The following PTPRN2 variants were observed in gnomAD, a reference collection of about 807,000 sequenced individuals.
PTPRN2 encodes protein tyrosine phosphatase receptor type N2.
A neutral mutation model predicts 118.8 loss-of-function variants in PTPRN2; 74 were observed. The ratio of observed to expected loss-of-function variants is 0.62; its 90% CI spans 0.52 to 0.76. The LOEUF is 0.76. PTPRN2 is among the 30% of genes least tolerant of loss of function. The pLI is 0.00. For missense variants in PTPRN2, 1,481 were observed against 1,394.4 expected, an observed-to-expected ratio of 1.06 and a Z score of -0.99; for synonymous variants, 641 against 608.0, an observed-to-expected ratio of 1.05 and a Z score of -0.80.
chr7:158,400,230 T>G (rs1812830756), intron 2 of PTPRN2, among the ~76,000 whole-genome samples: 1 of 152,130 alleles, frequency 6.6e-6, no homozygotes, highest in Non-Finnish European at 1.5e-5. Flanking sequence ...GATGGATATT[T>G]TTTGAAGACC....
At position 158,587,595 on chromosome 7, in the gene PTPRN2, C is replaced by A. The variant is rs1365260427; in HGVS notation, c.75G>T (p.Ser25=). The A allele has an allele frequency of 6.0e-6, 8 of 1,344,478 alleles. No homozygotes were observed. In the African/African-American group the frequency reaches 7.7e-5, roughly 13 times the overall value. The allele number at this position is 1,344,478 out of a possible 1,614,324, so 83.3% of individuals were successfully genotyped here. The change falls in exon 1 of 23, where the codon TCG becomes TCT. Residue 25 remains serine, a synonymous_variant. Transcript: ENST00000389418. ...GGAGCTGCCGGCCGCGGGGGACGGA[C>A]GAAGGGGCGGCAGGCAGGACGCGTG... ...LPPRVLPAAP[S]SVPRGRQLPG...
chr7:157,562,219 G>T (rs982445559), intron 21 of PTPRN2, among the ~76,000 whole-genome samples: 3 of 152,212 alleles, frequency 2.0e-5, no homozygotes, highest in African/African-American at 7.2e-5. Flanking sequence ...GGCACCCAAG[G>T]TCTTTCTGTC....
chr7:158,315,778 T>C (rs1802270219), intron 3 of PTPRN2, among the ~76,000 whole-genome samples: 1 of 152,228 alleles, frequency 6.6e-6, no homozygotes, highest in African/African-American at 2.4e-5. Context: ...GATAGACGTC[T>C]ATGAAGTGGT....
At chr7:158,541,277 G>T (rs977025202) in intron 1 of PTPRN2, 9 of 386,780 alleles carry the variant, frequency 2.3e-5, no homozygotes, top group Non-Finnish European at 4.0e-5. Flanking sequence ...TCATCAGCAC[G>T]TGCTTGGAAC....
rs189598748 is a variant in PTPRN2, at chr7:158,555,317, C to T, written c.112+32241G>A. 2.2e-3 allele frequency among the ~76,000 whole-genome samples: 332 copies of T among 152,328 alleles called. 4 individuals carry two copies. The highest frequency in any genetic ancestry group is 2.9e-3 in the Non-Finnish European group (198 of 68,036). Reference sequence around the variant, plus strand: ...GCCTTAGGGCGCCAGTCAGGTCCTTCCAGGAGAAGGCGGCACCAAGCCCAG... The same window carrying T: ...GCCTTAGGGCGCCAGTCAGGTCCTTTCAGGAGAAGGCGGCACCAAGCCCAG... On this transcript the variant is annotated intron_variant, in intron 1 of 22. Transcript: ENST00000389418. This position sits in a 1 kb window ranked among gnomAD's most constrained non-coding sequence, Gnocchi z 4.7.
chr7:158,137,154 C>T (rs546451522), intron 7 of PTPRN2, among the ~76,000 whole-genome samples: 2 of 152,302 alleles, frequency 1.3e-5, no homozygotes, highest in East Asian at 3.9e-4. Context: ...CGCGGTGGCT[C>T]ACGCCTGTAA....
intron 2 of PTPRN2, among the ~76,000 whole-genome samples, chr7:158,331,530 C>G (rs55655332): frequency 5.4e-5 from 5 of 92,776 alleles, no homozygotes; most frequent in Admixed American, 1.1e-4. Flanking sequence ...CTCACACCCA[C>G]ACTGTCACCA....
At chr7:158,006,244 C>CT (rs1563321688) in intron 11 of PTPRN2, among the ~76,000 whole-genome samples, 1 of 152,316 alleles carries the variant, frequency 6.6e-6, no homozygotes, top group East Asian at 1.9e-4. Flanking sequence ...ATCCCTTTTC[C>CT]TTTTTAGAGA....
chr7:157,893,722 G>T lies in PTPRN2; in HGVS notation c.1788+4951C>A, dbSNP rs1039126370. 6.6e-6 allele frequency among the ~76,000 whole-genome samples: 1 copy of T among 151,468 alleles called. No homozygotes were observed. Among genetic ancestry groups the T allele is most frequent in the Admixed American group, 6.6e-5 (1 of 15,258 alleles). On this transcript the variant is annotated intron_variant, in intron 12 of 22. Transcript: ENST00000389418. The surrounding 1 kb of genome is among the most constrained non-coding windows in gnomAD (Gnocchi z 4.0). ...CATACACACCTGTTGCTCGGTGAAT[G>T]GGTCAGGGCTGGAGACGTAGGCTTG...
intron 12 of PTPRN2, among the ~76,000 whole-genome samples, chr7:157,777,273 G>T (rs181918497): frequency 6.6e-6 from 1 of 152,288 alleles, no homozygotes; most frequent in African/African-American, 2.4e-5. Context: ...TTGGAAACAC[G>T]CCCATGTCGG....
chr7:157,613,574 G>A (rs1459233199), intron 15 of PTPRN2, among the ~76,000 whole-genome samples: 1 of 152,244 alleles, frequency 6.6e-6, no homozygotes, highest in Non-Finnish European at 1.5e-5. Context: ...CTGAGCCGCA[G>A]GGCGAGCCCG....
chr7:157,558,443 T>C (rs59406412), intron 21 of PTPRN2, among the ~76,000 whole-genome samples: 2,196 of 152,300 alleles, frequency 0.014, 53 homozygotes, highest in African/African-American at 0.05. Flanking sequence ...TCAACACCTA[T>C]GTCAGAATCA....
chr7:158,419,325 G>A (rs561536927), intron 2 of PTPRN2, among the ~76,000 whole-genome samples: 5 of 152,292 alleles, frequency 3.3e-5, no homozygotes, highest in South Asian at 2.1e-4. Flanking sequence ...TTTAGAAAAC[G>A]GCTGTTTTGC....
In PTPRN2 at chr7:158,138,315, G is replaced by C. The variant is rs562115501; in HGVS notation, c.1111C>G (p.Leu371Val). ...GEQADGPKATLRGDSFPDDGV... is the reference protein window; with the variant it reads ...GEQADGPKATVRGDSFPDDGV... Reference sequence around the variant, plus strand: ...TCACCTGGAAAGCTGTCTCCACGGAGGGTGGCCTTGGGGCCATCCGCCTGT... The same window carrying C: ...TCACCTGGAAAGCTGTCTCCACGGACGGTGGCCTTGGGGCCATCCGCCTGT... Residue 371 changes from leucine to valine, a missense_variant, in exon 7 of 23, where the codon CTC (leucine) becomes GTC (valine). By Grantham distance (32) the Leu-to-Val change is conservative (BLOSUM62 1). This residue lies in a region of PTPRN2 where 1,115 missense variants were observed against 994.2 expected (regional missense o/e 1.12). Coordinates refer to ENST00000389418, the MANE Select transcript of PTPRN2 (RefSeq NM_002847.5). 6.2e-7 allele frequency: 1 copy of C among 1,613,314 alleles called. No individual in the cohort carries two copies. The highest frequency in any genetic ancestry group is 1.1e-5 in the South Asian group (1 of 91,072).
intron 3 of PTPRN2, among the ~76,000 whole-genome samples, chr7:158,209,408 G>A (rs1022861933): frequency 1.3e-5 from 2 of 152,152 alleles, no homozygotes; most frequent in African/African-American, 2.4e-5. Flanking sequence ...AGCAGTACTT[G>A]TATCAGACAA....
At chr7:158,557,108 GGCA>G (rs1827079573) in intron 1 of PTPRN2, among the ~76,000 whole-genome samples, 1 of 117,814 alleles carries the variant, frequency 8.5e-6, no homozygotes, top group African/African-American at 3.3e-5. Flanking sequence ...GTCGCTCCTG[GGCA>G]GGTCGCTCCC....
intron 12 of PTPRN2, among the ~76,000 whole-genome samples, chr7:157,743,249 T>C (rs1800736990): frequency 6.6e-6 from 1 of 152,194 alleles, no homozygotes; most frequent in South Asian, 2.1e-4. Context: ...GAGACTTAGA[T>C]GCCCATCCAG....
At chr7:157,976,857 T>C (rs952835324) in intron 11 of PTPRN2, among the ~76,000 whole-genome samples, 3 of 151,944 alleles carry the variant, frequency 2.0e-5, no homozygotes, top group African/African-American at 7.2e-5. Flanking sequence ...GGTAGCATTT[T>C]ACTAAGTCAC....
intron 14 of PTPRN2, among the ~76,000 whole-genome samples, chr7:157,649,398 C>G (rs1389983512): frequency 1.6e-5 from 2 of 127,380 alleles, no homozygotes; most frequent in Non-Finnish European, 3.5e-5. Flanking sequence ...ATCCAGCGTG[C>G]ACTGAACTCG....
Sources: allele counts gnomAD v4.1 joint callset (sites outside exome capture counted in the v4.1 genomes callset), GRCh38; gene constraint gnomAD v4.1.1; regional missense constraint gnomAD v4.1.1; non-coding constraint Gnocchi (gnomAD v3.1); transcripts MANE v1.5; gene names NCBI Gene and HGNC (gene_info 2026-07-23, HGNC 2026-07-21).